Variants in ABLIM1 observed in about 807,000 individuals in gnomAD.
ABLIM1 encodes actin-binding LIM protein 1.
Under a neutral mutation model 107.0 loss-of-function variants are expected in ABLIM1, and 40 were observed. The ratio of observed to expected loss-of-function variants is 0.37; its 90% confidence interval spans 0.29 to 0.49. The LOEUF (loss-of-function observed/expected upper bound fraction) is 0.49. ABLIM1 is among the 20% of genes least tolerant of loss of function. The probability of loss-of-function intolerance (pLI) is 0.97; values close to 1 mark genes in which losing one functional copy is unlikely to be tolerated. For synonymous variants in ABLIM1, 357 were observed against 357.3 expected, an observed-to-expected ratio of 1.00 and a Z score of 0.01; for missense variants, 857 against 1,008.5, an observed-to-expected ratio of 0.85 and a Z score of 2.04.
At chr10:114,441,436 T>C (rs970908079) in intron 18 of ABLIM1, among the ~76,000 whole-genome samples, 1 of 152,262 alleles carries the variant, frequency 6.6e-6, no homozygotes, top group Non-Finnish European at 1.5e-5. Flanking sequence ...AATTACTTTT[T>C]GTTTCATTGT....
the ABLIM1 span, chr10:114,776,211 T>A: frequency 6.6e-6 from 1 of 151,880 alleles, no homozygotes; most frequent in African/African-American, 2.4e-5. Flanking sequence ...TTTTCAGCAG[T>A]TTGAAGATGT....
chr10:114,725,735 A>ATGTGTGTGTG (rs3981295), intron 1 of ABLIM1, among the ~76,000 whole-genome samples: 49 of 142,294 alleles, frequency 3.4e-4, no homozygotes, highest in African/African-American at 1.1e-3. Context: ...TATATATAAA[A>ATGTGTGTGTG]TGTGTGTGTG....
intron 1 of ABLIM1, among the ~76,000 whole-genome samples, chr10:114,646,049 G>T (rs922289405): frequency 6.6e-6 from 1 of 151,970 alleles, no homozygotes; most frequent in African/African-American, 2.4e-5. Context: ...ACAGAAGGTA[G>T]GTCTCTTCCT....
In ABLIM1 at chr10:114,545,228, G is replaced by A. The variant is rs2067169475; in HGVS notation, c.801-130C>T. 3 of 800,866 alleles carry A rather than the reference G, an allele frequency of 3.7e-6. No individual in the cohort carries two copies. The Admixed American group carries it at 6.1e-5, about 16-fold the overall frequency. 49.6% of individuals were successfully genotyped at this position (800,866 alleles called of 1,614,324 possible). A position where few individuals can be genotyped will look rare whatever the true frequency, so the allele number is the denominator to read the frequency against. ...TTTCTCCCCTGCCCAGTGTTCACAT[G>A]CCTGGCAATCCAGTCAGACCTGGCC... On this transcript the variant is annotated intron_variant, in intron 5 of 22. Coordinates refer to ENST00000533213, the MANE Select transcript of ABLIM1 (RefSeq NM_002313.7).
intron 1 of ABLIM1, chr10:114,615,681 T>C: frequency 2.4e-6 from 1 of 408,876 alleles, no homozygotes; most frequent in Non-Finnish European, 5.1e-6. Flanking sequence ...GCAACAGTCT[T>C]TGGGTGAAAC....
chr10:114,569,408 C>T (rs1477447516), intron 4 of ABLIM1, among the ~76,000 whole-genome samples: 2 of 151,936 alleles, frequency 1.3e-5, no homozygotes, highest in African/African-American at 4.8e-5. Context: ...CAACCTCTGC[C>T]TTCCGGTTTC....
At position 114,577,462 on chromosome 10, in the gene ABLIM1, T is replaced by A. The variant is rs145803608; in HGVS notation, c.380-1863A>T. The stretch of plus-strand genomic sequence containing the variant: ...GCAGAGTCGTTATACAAAGATGTGG[T>A]GTCAAAAGGGTAATCTGGTGGCAAT... On this transcript the variant is annotated intron_variant, in intron 2 of 22. Transcript: ENST00000533213. Among the ~76,000 whole-genome samples the A allele has an allele frequency of 7.0e-3, 1,062 of 152,290 alleles. 6 individuals carry two copies. The highest frequency in any genetic ancestry group is 0.018 in the South Asian group (88 of 4,818).
Position 114,545,459 on chromosome 10 carries a change from CAATAATT to C in ABLIM1, c.801-368_801-362del, listed in dbSNP as rs1474071850. Among the ~76,000 whole-genome samples the C allele has an allele frequency of 2.0e-5, 3 of 152,246 alleles. No individual in the cohort carries two copies. In the East Asian group the frequency reaches 5.8e-4, roughly 29 times the overall value. On this transcript the variant is annotated intron_variant, in intron 5 of 22. Transcript: ENST00000533213. ...TACTGAGCCCACTGAGCCCACATAA[CAATAATT>C]AATAAACCAGAGAAAGAATGGTGTT... is the stretch of plus-strand genomic sequence containing the variant.
At chr10:114,635,838 G>C (rs2078453644) in intron 1 of ABLIM1, among the ~76,000 whole-genome samples, 1 of 152,154 alleles carries the variant, frequency 6.6e-6, no homozygotes, top group African/African-American at 2.4e-5. Context: ...GGACTCTTTA[G>C]CTAAAAGCAT....
At chr10:114,539,790 C>A (rs551281185) in intron 6 of ABLIM1, among the ~76,000 whole-genome samples, 7 of 152,164 alleles carry the variant, frequency 4.6e-5, no homozygotes, top group African/African-American at 1.4e-4. Flanking sequence ...AAGAGATGCC[C>A]CACTCCCCCA....
chr10:114,439,654 G>A (rs1038688925), intron 20 of ABLIM1: 26 of 360,386 alleles, frequency 7.2e-5, no homozygotes, highest in Middle Eastern at 8.3e-4. Context: ...GTTCTAGTGA[G>A]AAAGGAATGT....
intron 6 of ABLIM1, among the ~76,000 whole-genome samples, chr10:114,496,633 C>T (rs1457223901): frequency 2.0e-5 from 3 of 152,152 alleles, no homozygotes; most frequent in South Asian, 2.1e-4. Flanking sequence ...GCACATCCTG[C>T]ACATGTACTA....
At chr10:114,646,129 A>G (rs2079004606) in intron 1 of ABLIM1, among the ~76,000 whole-genome samples, 1 of 152,204 alleles carries the variant, frequency 6.6e-6, no homozygotes, top group Admixed American at 6.5e-5. Context: ...TGGGATTTGG[A>G]GGAGATTAGA....
rs753472533 is a variant in ABLIM1, at chr10:114,571,335, G to A, written c.635C>T (p.Pro212Leu). The A allele has an allele frequency of 2.5e-5, 41 of 1,614,048 alleles. No individual in the cohort carries two copies. The highest frequency in any genetic ancestry group is 3.4e-5 in the Non-Finnish European group (40 of 1,180,042). ...GGTTTCTTTCGGACTGGACGACATCGGCTGTGCACAGAGTTGACAAAGGCA... is the reference window on the plus strand; with the variant it reads ...GGTTTCTTTCGGACTGGACGACATCAGCTGTGCACAGAGTTGACAAAGGCA... Reference protein sequence around the residue: ...RDCLCQLCAQPMSSSPKETTF... With the variant: ...RDCLCQLCAQLMSSSPKETTF... The change falls in exon 4 of 23, where the codon CCG (proline) becomes CTG (leucine). Residue 212 changes from proline to leucine, a missense_variant. Coordinates refer to ENST00000533213, the MANE Select transcript of ABLIM1 (RefSeq NM_002313.7).
At chr10:114,440,809 A>G in intron 19 of ABLIM1, 1 of 678,536 alleles carries the variant, frequency 1.5e-6, no homozygotes, top group Non-Finnish European at 2.7e-6. Context: ...CAATGAATAA[A>G]TTCTCACAAA....
At chr10:114,667,377 A>C (rs969879238) in intron 1 of ABLIM1, among the ~76,000 whole-genome samples, 4 of 152,236 alleles carry the variant, frequency 2.6e-5, no homozygotes, top group African/African-American at 9.6e-5. Flanking sequence ...AATAACAAAT[A>C]CAAGAGCATG....
chr10:114,766,545 T>C (rs1441420002), intron 1 of ABLIM1, among the ~76,000 whole-genome samples: 5 of 152,064 alleles, frequency 3.3e-5, no homozygotes, highest in African/African-American at 1.2e-4. Context: ...CTAAATGAAA[T>C]TGTGTGACGG....
At chr10:114,529,165 G>A (rs536772027) in intron 6 of ABLIM1, among the ~76,000 whole-genome samples, 1 of 145,590 alleles carries the variant, frequency 6.9e-6, no homozygotes, top group South Asian at 2.2e-4. Flanking sequence ...TCATTCTGTC[G>A]CAAGGCTGGA....
At chr10:114,491,079 A>G (rs1418130403) in intron 7 of ABLIM1, among the ~76,000 whole-genome samples, 1 of 149,136 alleles carries the variant, frequency 6.7e-6, no homozygotes, top group Non-Finnish European at 1.5e-5. Context: ...TATGTTGCCC[A>G]GGATGGTCTT....
Sources: gnomAD v4.1 joint callset for allele counts (sites outside exome capture counted in the v4.1 genomes callset) on GRCh38, gnomAD v4.1.1 for gene constraint, MANE v1.5 for transcripts, NCBI Gene and HGNC (gene_info 2026-07-23, HGNC 2026-07-21) for gene names.